IGF1R: variants seen among roughly 807,000 people sequenced by gnomAD.
IGF1R encodes the protein insulin-like growth factor 1 receptor.
A neutral mutation model predicts 144.6 loss-of-function variants in IGF1R; 44 were observed. That is an observed-to-expected ratio of 0.30 (90% confidence interval 0.24 to 0.39). The LOEUF (loss-of-function observed/expected upper bound fraction) is 0.39, where lower values mean the gene tolerates loss of function less well. Ranked by LOEUF, IGF1R falls within the 10% of genes least tolerant of loss-of-function variation. IGF1R has a pLI of 1.00. For missense variants in IGF1R, 1,355 were observed against 1,833.7 expected, an observed-to-expected ratio of 0.74 and a Z score of 4.77; for synonymous variants, 795 against 722.8, an observed-to-expected ratio of 1.10 and a Z score of -1.60.
chr15:98,705,296 A>G lies in IGF1R; in HGVS notation c.95-2266A>G, dbSNP rs141179280. Among the ~76,000 whole-genome samples the G allele has an allele frequency of 4.4e-3, 676 of 152,328 alleles. 19 individuals carry two copies. Among genetic ancestry groups the G allele is most frequent in the Admixed American group, 0.041 (632 of 15,310 alleles). ...CGACAGTGTCACTGAGGGCTCTGCT[A>G]GGAGCTATTCGGTGTCATAATGGGG... On this transcript the variant is annotated intron_variant, in intron 1 of 20. Transcript: ENST00000650285.
chr15:98,922,718 G>T (rs576309943), intron 11 of IGF1R, among the ~76,000 whole-genome samples: 2 of 152,338 alleles, frequency 1.3e-5, no homozygotes, highest in South Asian at 2.1e-4. Flanking sequence ...GGTGCACATC[G>T]TGCATTCCTG....
At chr15:98,886,829 C>A (rs1448540538) in intron 2 of IGF1R, among the ~76,000 whole-genome samples, 1 of 152,156 alleles carries the variant, frequency 6.6e-6, no homozygotes, top group African/African-American at 2.4e-5. Context: ...CCAGGACTCT[C>A]TAATCCCACA....
chr15:98,746,866 G>T (rs1357543586), intron 2 of IGF1R, among the ~76,000 whole-genome samples: 1 of 152,194 alleles, frequency 6.6e-6, no homozygotes, highest in African/African-American at 2.4e-5. Context: ...CTTGGCACTT[G>T]AATGGTGTCA....
chr15:98,909,413 C>T (rs2014900984), intron 6 of IGF1R, among the ~76,000 whole-genome samples: 2 of 152,026 alleles, frequency 1.3e-5, no homozygotes, highest in Non-Finnish European at 2.9e-5. Flanking sequence ...CACCTGCCAC[C>T]ATGCCCAGCT....
chr15:98,917,132 C>A (rs945339309), intron 10 of IGF1R, among the ~76,000 whole-genome samples: 1 of 152,098 alleles, frequency 6.6e-6, no homozygotes, highest in African/African-American at 2.4e-5. Context: ...TCAGCCACAA[C>A]CCCCCACAGA....
Position 98,752,932 on chromosome 15 carries a change from ATTT to A in IGF1R, c.640+44844_640+44846del, listed in dbSNP as rs775327338. ...ATGTTTAGGGCTGGAAAATCATACT[ATTT>A]TTTTTTTTTTTTTTTTTTGAGATGG... On this transcript the variant is annotated intron_variant, in intron 2 of 20. Coordinates refer to ENST00000650285, the MANE Select transcript of IGF1R (RefSeq NM_000875.5). 1.7e-4 allele frequency among the ~76,000 whole-genome samples: 12 copies of A among 70,118 alleles called. No homozygotes were observed. In the South Asian group the frequency reaches 2.3e-3, roughly 13 times the overall value. 46.0% of individuals were successfully genotyped at this position (70,118 alleles called of 152,430 possible).
At chr15:98,818,902 C>T (rs1201482589) in intron 2 of IGF1R, among the ~76,000 whole-genome samples, 1 of 152,100 alleles carries the variant, frequency 6.6e-6, no homozygotes, top group East Asian at 1.9e-4. Flanking sequence ...TATTTGAAGA[C>T]TTGTAAAATA....
intron 2 of IGF1R, among the ~76,000 whole-genome samples, chr15:98,771,658 G>T (rs1481174290): frequency 6.6e-6 from 1 of 152,016 alleles, no homozygotes; most frequent in Admixed American, 6.6e-5. Flanking sequence ...ATCTAGGCTT[G>T]GGTTTCCCCC....
intron 1 of IGF1R, among the ~76,000 whole-genome samples, chr15:98,676,860 T>C (rs749715798): frequency 1.1e-4 from 16 of 152,214 alleles, no homozygotes; most frequent in Non-Finnish European, 1.8e-4. Flanking sequence ...ATGAATGCTT[T>C]TTGTTGCTAA....
At position 98,922,734 on chromosome 15, in the gene IGF1R, C is replaced by G. The variant is rs544116489; in HGVS notation, c.2485+303C>G. Among the ~76,000 whole-genome samples, 172 of 152,360 alleles carry G rather than the reference C, an allele frequency of 1.1e-3. 1 individual carries two copies. The highest frequency in any genetic ancestry group is 3.9e-3 in the African/African-American group (162 of 41,578). Reference sequence around the variant, plus strand: ...GTGCACATCGTGCATTCCTGCTGTCCTTTGCCCCCTCTTGCGCACAAATCG... The same window carrying G: ...GTGCACATCGTGCATTCCTGCTGTCGTTTGCCCCCTCTTGCGCACAAATCG... On this transcript the variant is annotated intron_variant, in intron 11 of 20. Transcript: ENST00000650285.
chr15:98,857,721 A>T (rs891836415), intron 2 of IGF1R, among the ~76,000 whole-genome samples: 7 of 152,118 alleles, frequency 4.6e-5, no homozygotes, highest in African/African-American at 1.2e-4. Context: ...GGATTTTTTT[A>T]AAGTTTTAAT....
Position 98,918,711 on chromosome 15 carries a change from C to G in IGF1R, c.2201+1835C>G, listed in dbSNP as rs565886051. Among the ~76,000 whole-genome samples, 36 of 152,234 alleles carry G rather than the reference C, an allele frequency of 2.4e-4. 1 individual carries two copies. The South Asian group carries it at 7.3e-3, about 31-fold the overall frequency. ...CGGGCATCATGGTGAAACCCTGTCT[C>G]TACTAAAGATACAAAAAATTAGCCA... On this transcript the variant is annotated intron_variant, in intron 10 of 20. Transcript: ENST00000650285.
intron 2 of IGF1R, among the ~76,000 whole-genome samples, chr15:98,845,132 C>T (rs984130849): frequency 5.9e-5 from 9 of 152,098 alleles, no homozygotes; most frequent in Admixed American, 2.0e-4. Flanking sequence ...ATTCAGTAGA[C>T]GGTCAGTAGC....
At chr15:98,742,598 G>A (rs1397297783) in intron 2 of IGF1R, among the ~76,000 whole-genome samples, 2 of 152,180 alleles carry the variant, frequency 1.3e-5, no homozygotes, top group African/African-American at 2.4e-5. Flanking sequence ...CAGAAGGTAA[G>A]AACTCCTGTG....
intron 2 of IGF1R, among the ~76,000 whole-genome samples, chr15:98,865,463 G>T (rs985281170): frequency 3.9e-5 from 6 of 152,140 alleles, no homozygotes; most frequent in Non-Finnish European, 8.8e-5. Context: ...GGGGCTCGGC[G>T]TGCATAGCGG....
intron 2 of IGF1R, among the ~76,000 whole-genome samples, chr15:98,822,560 C>T (rs1008161433): frequency 1.3e-5 from 2 of 152,216 alleles, no homozygotes; most frequent in East Asian, 1.9e-4. Flanking sequence ...GTGAGCCCCT[C>T]GGCTTCTGGT....
intron 12 of IGF1R, among the ~76,000 whole-genome samples, chr15:98,924,257 G>A (rs2015614424): frequency 1.3e-5 from 2 of 152,262 alleles, no homozygotes; most frequent in African/African-American, 4.8e-5. Flanking sequence ...TAACCTTGTG[G>A]CATAGGCCAG....
chr15:98,726,673 A>G (rs2054368452), intron 2 of IGF1R, among the ~76,000 whole-genome samples: 2 of 151,194 alleles, frequency 1.3e-5, no homozygotes, highest in South Asian at 4.2e-4. Context: ...TGACTTTTTA[A>G]ATTCCCCTCC....
At chr15:98,702,268 T>A (rs1003266149) in intron 1 of IGF1R, among the ~76,000 whole-genome samples, 2 of 152,196 alleles carry the variant, frequency 1.3e-5, no homozygotes, top group Admixed American at 6.5e-5. Context: ...ATTCTGCCTC[T>A]TGATCTTTAG....
Sources: allele counts gnomAD v4.1 joint callset (sites outside exome capture counted in the v4.1 genomes callset), GRCh38; gene constraint gnomAD v4.1.1; transcripts MANE v1.5; gene names NCBI Gene and HGNC (gene_info 2026-07-23, HGNC 2026-07-21).